The following SLC15A3 variants were observed in gnomAD, a reference collection of about 807,000 sequenced individuals.
SLC15A3 encodes the protein osteoclast transporter.
In SLC15A3, 39 loss-of-function variants were observed where a neutral mutation model predicts 49.2. That is an observed-to-expected ratio of 0.79 (90% CI 0.61 to 1.04). The LOEUF (loss-of-function observed/expected upper bound fraction) is 1.04, where lower values mean the gene tolerates loss of function less well. Among genes scored for constraint, SLC15A3 ranks in the 50% least tolerant of loss-of-function variants. SLC15A3 has a pLI of 0.00. For synonymous variants in SLC15A3, 339 were observed against 367.0 expected (o/e 0.92, Z 0.87); for missense variants, 758 against 794.8 (o/e 0.95, Z 0.56).
At chr11:60,941,979 C>G (rs1856716040) in intron 4 of SLC15A3, 56 bp downstream of exon 4, 3 of 1,513,034 alleles carry the variant, frequency 2.0e-6, no homozygotes, top group African/African-American at 2.7e-5. Context: ...CTCCTCTTCT[C>G]AGAGGAAGCC....
chr11:60,940,227 T>C (rs1856690415), intron 5 of SLC15A3: 1 of 154,210 alleles, frequency 6.5e-6, no homozygotes, highest in Admixed American at 6.3e-5. Flanking sequence ...TTGGGGGACC[T>C]GGGTTCCCAG....
At chr11:60,950,197 C>A (rs1261848587) in intron 1 of SLC15A3, among the ~76,000 whole-genome samples, 2 of 152,224 alleles carry the variant, frequency 1.3e-5, no homozygotes, top group Non-Finnish European at 2.9e-5. Flanking sequence ...GGGATCTGAG[C>A]AAGTCGGCCT....
In SLC15A3 at chr11:60,946,742, G is replaced by A. The variant is rs377073448; in HGVS notation, c.638C>T (p.Ser213Leu). 15 of 1,614,172 alleles carry A rather than the reference G, an allele frequency of 9.3e-6. No individual in the cohort carries two copies. Among genetic ancestry groups the A allele is most frequent in the Admixed American group, 1.7e-5 (1 of 60,034 alleles). ...YWSINLGAVL[S>L]LLVVAFIQQN... is the part of the protein sequence containing the mutation. ...CTGAATAAACGCCACCACCAGCAGC[G>A]ACAGCACAGCACCCAGGTTGATGCT... The change falls in exon 2 of 8, where the codon TCG (serine) becomes TTG (leucine). Residue 213 changes from serine (S) to leucine (L), a missense_variant. By Grantham distance (145) the Ser-to-Leu change is moderately radical. Transcript: ENST00000227880.
intron 6 of SLC15A3, 76 bp downstream of exon 6, chr11:60,939,404 T>C (rs1325014223): frequency 6.4e-7 from 1 of 1,555,506 alleles, no homozygotes; most frequent in East Asian, 2.2e-5. Flanking sequence ...GCTGCATCCC[T>C]GGGGTACCTG....
In SLC15A3 at chr11:60,937,287, C is replaced by T; in HGVS notation, c.1678G>A (p.Ala560Thr). 2 of 1,614,148 alleles carry T rather than the reference C, an allele frequency of 1.2e-6. No individual in the cohort carries two copies. Among genetic ancestry groups the T allele is most frequent in the South Asian group, 1.1e-5 (1 of 91,086 alleles). The change falls in exon 8 of 8, where the codon GCT becomes ACT. Residue 560 changes from alanine (A) to threonine (T), a missense_variant. By Grantham distance (58) the Ala-to-Thr change is moderately conservative (BLOSUM62 0). Around this residue, in one of 3 missense-constraint regions of SLC15A3, gnomAD observed 699 missense variants for 706.7 expected, o/e 0.99. Transcript: ENST00000227880. ...AVTALLFVWI[A>T]GRYERASQGP... ...TGGGACGCCCTCTCATAGCGTCCAG[C>T]GATCCAGACAAATAGGAGAGCCGTG...
rs2134931353 is a variant in SLC15A3, at chr11:60,943,800, C to T, written c.885G>A (p.Arg295=). Residue 295 remains arginine, a synonymous_variant, in exon 3 of 8, where the codon AGG becomes AGA. Coordinates refer to ENST00000227880, the MANE Select transcript of SLC15A3 (RefSeq NM_016582.3). ...RQCARVLADE[R]SPQPGASPQE... ...GCGGGGAAGCCCCTGGCTGGGGAGA[C>T]CTCTCGTCGGCCAGCACGCGGGCAC... is the stretch of plus-strand genomic sequence containing the variant. 6.2e-7 allele frequency: 1 copy of T among 1,600,362 alleles called. No homozygotes were observed. Among genetic ancestry groups the T allele is most frequent in the Admixed American group, 1.7e-5 (1 of 58,392 alleles).
chr11:60,941,048 A>ATGG, intron 5 of SLC15A3, 74 bp downstream of exon 5: 1 of 1,499,716 alleles, frequency 6.7e-7, no homozygotes, highest in African/African-American at 1.4e-5. Flanking sequence ...CTACCACTTC[A>ATGG]GCATCAGCCC....
Position 60,939,528 on chromosome 11 carries a change from G to A in SLC15A3, c.1387C>T (p.Pro463Ser). 6.2e-7 allele frequency: 1 copy of A among 1,614,210 alleles called. No individual in the cohort carries two copies. The highest frequency in any genetic ancestry group is 8.5e-7 in the Non-Finnish European group (1 of 1,180,028). Residue 463 changes from proline to serine, a missense_variant, in exon 6 of 8, where the codon CCT becomes TCT. Transcript: ENST00000227880. ...CTGATCCCAATGAGCAGGTACTGAGGGATCTGCCACCAGATGGACAGTGGT... is the reference window on the plus strand; with the variant it reads ...CTGATCCCAATGAGCAGGTACTGAGAGATCTGCCACCAGATGGACAGTGGT... ...AAPLSIWWQI[P>S]QYLLIGISEI...
rs549420261 is a variant in SLC15A3 at position 60,942,080 on chromosome 11, C to T, written c.1062G>A (p.Pro354=). ...CTCTCAGGGCCACAGAGATGTTGGC[C>T]GGGTTGGCTGGGAAAATGTTTGGGA... The part of the protein sequence containing the change: ...LHIPNIFPAN[P]ANISVALRAQ... Residue 354 remains proline (P), a synonymous_variant, in exon 4 of 8, where the codon CCG becomes CCA. Transcript: ENST00000227880. The T allele has an allele frequency of 2.4e-5, 38 of 1,612,970 alleles. No individual in the cohort carries two copies. In the Middle Eastern group the frequency reaches 8.3e-4, roughly 35 times the overall value.
chr11:60,950,867 C>T (rs560683128), intron 1 of SLC15A3, 127 bp downstream of exon 1: 99 of 1,015,594 alleles, frequency 9.7e-5, no homozygotes, highest in Non-Finnish European at 1.2e-4. Context: ...GGCTAGCCCC[C>T]CTCTTCTTTC....
chr11:60,950,612 C>G (rs977008941), intron 1 of SLC15A3, among the ~76,000 whole-genome samples: 16 of 116,012 alleles, frequency 1.4e-4, no homozygotes, highest in African/African-American at 4.5e-4. Context: ...AACCCCACCT[C>G]TACTTAAAAA....
rs758769055 is a variant in SLC15A3, at chr11:60,951,076, G to C, written c.476C>G (p.Pro159Arg). Residue 159 changes from proline to arginine, a missense_variant, in exon 1 of 8, where the codon CCC becomes CGC. Transcript: ENST00000227880. ...PRSSPSPYCA[P>R]VLYAGLLLLG... ...TAGCAGCAGGCCCGCGTAGAGGACG[G>C]GCGCGCAGTAGGGGCTGGGCGAGGA... 7.3e-5 allele frequency: 108 copies of C among 1,486,392 alleles called. No homozygotes were observed. Among genetic ancestry groups the C allele is most frequent in the Non-Finnish European group, 9.0e-5 (101 of 1,127,772 alleles). The allele number at this position is 1,486,392 out of a possible 1,614,324, so 92.1% of individuals were successfully genotyped here.
chr11:60,951,646 C>G lies in SLC15A3; in HGVS notation c.-95G>C. 1.0e-6 allele frequency: 1 copy of G among 962,394 alleles called. No individual in the cohort carries two copies. The highest frequency in any genetic ancestry group is 1.3e-6 in the Non-Finnish European group (1 of 797,248). 59.6% of individuals were successfully genotyped at this position (962,394 alleles called of 1,614,324 possible). ...CTGCCCCCGGGCCTCGGCCCTCTCC[C>G]CCACCCAACTGGCTGGCCCTCCTTT... On this transcript the variant is annotated 5_prime_UTR_variant, in exon 1 of 8. Coordinates refer to ENST00000227880, the MANE Select transcript of SLC15A3 (RefSeq NM_016582.3).
At chr11:60,944,622 C>G (rs547420715) in intron 2 of SLC15A3, among the ~76,000 whole-genome samples, 1 of 152,096 alleles carries the variant, frequency 6.6e-6, no homozygotes, top group East Asian at 1.9e-4. Flanking sequence ...CAATTTGCCA[C>G]GGGAACCAGG....
chr11:60,941,184 G>C lies in SLC15A3; in HGVS notation c.1214C>G (p.Pro405Arg), dbSNP rs1340981117. Residue 405 changes from proline (P) to arginine (R), a missense_variant, in exon 5 of 8, where the codon CCC (proline) becomes CGC (arginine). This residue lies in a region of SLC15A3 where 699 missense variants were observed against 706.7 expected (regional missense o/e 0.99). Transcript: ENST00000227880. Reference protein sequence around the residue: ...DPLLLRCKLLPSALQKMALGM... With the variant: ...DPLLLRCKLLRSALQKMALGM... Reference sequence around the variant, plus strand: ...CAGCGCCATCTTCTGCAGAGCAGAGGGAAGCAGCTTGCACCGCAGCAGTAA... The same window carrying C: ...CAGCGCCATCTTCTGCAGAGCAGAGCGAAGCAGCTTGCACCGCAGCAGTAA... The C allele has an allele frequency of 6.2e-7, 1 of 1,614,136 alleles. No individual in the cohort carries two copies. Among genetic ancestry groups the C allele is most frequent in the South Asian group, 1.1e-5 (1 of 91,048 alleles).
chr11:60,948,715 C>A (rs1856841537), intron 1 of SLC15A3, among the ~76,000 whole-genome samples: 1 of 152,236 alleles, frequency 6.6e-6, no homozygotes. Context: ...CAGGTCCCGA[C>A]TTCATGAGGC....
chr11:60,946,636 G>T lies in SLC15A3; in HGVS notation c.744C>A (p.Thr248=), dbSNP rs752649678. The change falls in exon 2 of 8, where the codon ACC becomes ACA. Residue 248 remains threonine (T), a synonymous_variant. Coordinates refer to ENST00000227880, the MANE Select transcript of SLC15A3 (RefSeq NM_016582.3). The stretch of plus-strand genomic sequence containing the variant: ...TCGGGGGCTTGGTGATGAAGACGGG[G>T]GTGGCAAAGAGGAAGATGAAAAATG... ...GLAFFIFLFA[T]PVFITKPPMG... is the part of the protein sequence containing the mutation. 2 of 1,614,066 alleles carry T rather than the reference G, an allele frequency of 1.2e-6. No individual in the cohort carries two copies. The highest frequency in any genetic ancestry group is 1.7e-6 in the Non-Finnish European group (2 of 1,179,952).
chr11:60,941,792 C>T (rs147077488), intron 4 of SLC15A3: 4 of 490,028 alleles, frequency 8.2e-6, no homozygotes, highest in Non-Finnish European at 1.5e-5. Flanking sequence ...GGCAGCGAGA[C>T]CTGCTTCAGA....
In SLC15A3 at chr11:60,951,586, C is replaced by A; in HGVS notation, c.-35G>T. 1 of 1,089,200 alleles carries A rather than the reference C, an allele frequency of 9.2e-7. No homozygotes were observed. 67.5% of individuals were successfully genotyped at this position (1,089,200 alleles called of 1,614,324 possible). On this transcript the variant is annotated 5_prime_UTR_variant, in exon 1 of 8. Transcript: ENST00000227880. ...GGGCTGGGCCCCCCGCGGCTCTTCTCTCCTCTCCTCTCCCCGCCTCAGAGC... is the reference window on the plus strand; with the variant it reads ...GGGCTGGGCCCCCCGCGGCTCTTCTATCCTCTCCTCTCCCCGCCTCAGAGC...
Sources: gnomAD v4.1 joint callset for allele counts (sites outside exome capture counted in the v4.1 genomes callset) on GRCh38, gnomAD v4.1.1 for gene constraint, gnomAD v4.1.1 regional missense constraint, MANE v1.5 for transcripts, NCBI Gene and HGNC (gene_info 2026-07-23, HGNC 2026-07-21) for gene names.